Variants in GAB2 observed in about 807,000 individuals in gnomAD.
The protein encoded by GAB2 is GRB2 associated binding protein 2, also known as GRB2-associated-binding protein 2.
In GAB2, 26 loss-of-function variants were observed where a neutral mutation model predicts 65.5. The ratio of observed to expected loss-of-function variants is 0.40; its 90% CI spans 0.29 to 0.55. GAB2 has a LOEUF of 0.55. Among genes scored for constraint, GAB2 ranks in the 20% least tolerant of loss-of-function variants. The probability of loss-of-function intolerance (pLI) is 0.53; values close to 1 mark genes in which losing one functional copy is unlikely to be tolerated. For missense variants in GAB2, 884 were observed against 875.8 expected, an observed-to-expected ratio of 1.01 and a Z score of -0.12; for synonymous variants, 321 against 329.6, an observed-to-expected ratio of 0.97 and a Z score of 0.28.
At chr11:78,402,813 T>G (rs1369910810) in intron 1 of GAB2, among the ~76,000 whole-genome samples, 3 of 152,090 alleles carry the variant, frequency 2.0e-5, no homozygotes, top group Non-Finnish European at 4.4e-5. Context: ...TACAATGAAC[T>G]GCATGCTTCT....
At chr11:78,268,820 C>T (rs2134561249) in intron 2 of GAB2, among the ~76,000 whole-genome samples, 1 of 151,530 alleles carries the variant, frequency 6.6e-6, no homozygotes, top group South Asian at 2.1e-4. Flanking sequence ...TCTCCTTTTC[C>T]TCCTTCAGAG....
chr11:78,243,730 G>A (rs1865212072), intron 3 of GAB2, among the ~76,000 whole-genome samples: 1 of 152,004 alleles, frequency 6.6e-6, no homozygotes, highest in South Asian at 2.1e-4. Context: ...TGTAGTCCCA[G>A]CTACTTGGGA....
chr11:78,291,489 G>C (rs193119492), intron 1 of GAB2, among the ~76,000 whole-genome samples: 2 of 131,510 alleles, frequency 1.5e-5, no homozygotes, highest in Admixed American at 8.1e-5. Context: ...AAAAAGAGTA[G>C]ATCAATAGAT....
chr11:78,273,523 C>A (rs1798733683), intron 2 of GAB2, among the ~76,000 whole-genome samples: 1 of 152,342 alleles, frequency 6.6e-6, no homozygotes. Context: ...TGTATTTACC[C>A]AATGCTTGTA....
intron 3 of GAB2, among the ~76,000 whole-genome samples, chr11:78,243,521 G>T (rs1177483368): frequency 6.6e-6 from 1 of 151,874 alleles, no homozygotes; most frequent in African/African-American, 2.4e-5. Context: ...GTAACTGACA[G>T]CATAGAAATG....
intron 2 of GAB2, among the ~76,000 whole-genome samples, chr11:78,271,801 T>C (rs527617981): frequency 6.6e-6 from 1 of 152,310 alleles, no homozygotes; most frequent in African/African-American, 2.4e-5. Flanking sequence ...AAGACAAGCC[T>C]GGGTGATATG....
At chr11:78,320,138 G>A (rs983265843) in intron 1 of GAB2, among the ~76,000 whole-genome samples, 2 of 152,122 alleles carry the variant, frequency 1.3e-5, no homozygotes, top group Non-Finnish European at 2.9e-5. Flanking sequence ...CTCAAAGTGC[G>A]GGGATTACAG....
At chr11:78,279,304 T>C (rs982614216) in intron 2 of GAB2, among the ~76,000 whole-genome samples, 1 of 152,130 alleles carries the variant, frequency 6.6e-6, no homozygotes, top group African/African-American at 2.4e-5. Flanking sequence ...TTCAAGATAG[T>C]AATAGTGGAG....
At chr11:78,403,439 T>C (rs1857000082) in intron 1 of GAB2, among the ~76,000 whole-genome samples, 2 of 152,194 alleles carry the variant, frequency 1.3e-5, no homozygotes, top group African/African-American at 4.8e-5. Context: ...TATGCTAAAG[T>C]AGGACAGAAG....
intron 2 of GAB2, among the ~76,000 whole-genome samples, chr11:78,275,870 T>G (rs1454095539): frequency 6.6e-6 from 1 of 151,890 alleles, no homozygotes; most frequent in East Asian, 1.9e-4. Flanking sequence ...TCCCAGCACT[T>G]TGGGAGGCCA....
intron 1 of GAB2, chr11:78,392,038 A>C (rs1856839569): frequency 6.6e-6 from 1 of 152,178 alleles, no homozygotes; most frequent in Admixed American, 6.6e-5. Flanking sequence ...CAGGAGTGAG[A>C]CCAGCCTGGC....
intron 1 of GAB2, among the ~76,000 whole-genome samples, chr11:78,304,118 ATG>A (rs1378756606): frequency 2.6e-5 from 4 of 152,046 alleles, no homozygotes; most frequent in Admixed American, 1.3e-4. Flanking sequence ...CAGTTTTGAT[ATG>A]TGTGTCTTTT....
chr11:78,375,559 T>C (rs1047058552), intron 1 of GAB2, among the ~76,000 whole-genome samples: 2 of 152,192 alleles, frequency 1.3e-5, no homozygotes, highest in Non-Finnish European at 2.9e-5. Context: ...AGAGGTATAG[T>C]TCCCAATATG....
intron 3 of GAB2, among the ~76,000 whole-genome samples, chr11:78,240,158 A>C (rs1449647024): frequency 6.6e-6 from 1 of 152,112 alleles, no homozygotes; most frequent in East Asian, 1.9e-4. Context: ...GCCTAAGCTG[A>C]AGCCAGTGGC....
At chr11:78,339,295 G>GA (rs1856054809) in intron 1 of GAB2, among the ~76,000 whole-genome samples, 1 of 152,068 alleles carries the variant, frequency 6.6e-6, no homozygotes, top group South Asian at 2.1e-4. Context: ...TTGAAATCCA[G>GA]AAAAATATAA....
intron 1 of GAB2, among the ~76,000 whole-genome samples, chr11:78,382,150 T>A (rs1279909444): frequency 6.6e-6 from 1 of 152,180 alleles, no homozygotes; most frequent in Non-Finnish European, 1.5e-5. Context: ...ATATTCCCAA[T>A]CAATTAGCTG....
intron 1 of GAB2, among the ~76,000 whole-genome samples, chr11:78,405,319 C>A (rs764358843): frequency 6.6e-6 from 1 of 152,022 alleles, no homozygotes; most frequent in African/African-American, 2.4e-5. Context: ...AGGATGGTCT[C>A]GATCTCCTGA....
At chr11:78,306,676 G>A (rs1855366406) in intron 1 of GAB2, among the ~76,000 whole-genome samples, 1 of 152,186 alleles carries the variant, frequency 6.6e-6, no homozygotes, top group South Asian at 2.1e-4. Flanking sequence ...TGTTATTTCA[G>A]GTACACAAGT....
intron 1 of GAB2, among the ~76,000 whole-genome samples, chr11:78,308,125 T>TA (rs1288526006): frequency 6.6e-6 from 1 of 152,128 alleles, no homozygotes; most frequent in African/African-American, 2.4e-5. Context: ...CTATAACACT[T>TA]ACAATACAAG....
Sources: allele counts gnomAD v4.1 joint callset (sites outside exome capture counted in the v4.1 genomes callset), GRCh38; gene constraint gnomAD v4.1.1; transcripts MANE v1.5; gene names NCBI Gene and HGNC (gene_info 2026-07-23, HGNC 2026-07-21).